GALNT14: variants seen among roughly 807,000 people sequenced by gnomAD.
GALNT14 encodes the protein polypeptide N-acetylgalactosaminyltransferase 14.
Under a neutral mutation model 77.5 loss-of-function variants are expected in GALNT14, and 60 were observed. The observed-to-expected ratio is 0.77, with a 90% CI of 0.63 to 0.96. The LOEUF (loss-of-function observed/expected upper bound fraction) is 0.96. Ranked by LOEUF, GALNT14 falls within the 40% of genes least tolerant of loss-of-function variation. The probability of loss-of-function intolerance (pLI) is 0.00; values close to 1 mark genes in which losing one functional copy is unlikely to be tolerated. For synonymous variants in GALNT14, 280 were observed against 281.7 expected (o/e 0.99, Z 0.06); for missense variants, 710 against 731.0 (o/e 0.97, Z 0.33).
chr2:31,120,311 T>C (rs981985757), intron 1 of GALNT14, among the ~76,000 whole-genome samples: 7 of 152,202 alleles, frequency 4.6e-5, no homozygotes, highest in African/African-American at 1.7e-4. Context: ...TAAATGTTTA[T>C]ACATGTTTAC....
chr2:31,128,764 G>A (rs1386778054), intron 1 of GALNT14, among the ~76,000 whole-genome samples: 1 of 152,136 alleles, frequency 6.6e-6, no homozygotes, highest in African/African-American at 2.4e-5. Context: ...CACCGAGTCT[G>A]CCGTTACAGT....
chr2:30,943,039 A>G (rs547578199), intron 8 of GALNT14, among the ~76,000 whole-genome samples: 50 of 152,332 alleles, frequency 3.3e-4, no homozygotes, highest in African/African-American at 1.2e-3. Context: ...AGACATGGCC[A>G]TCTACCGGCC....
intron 1 of GALNT14, among the ~76,000 whole-genome samples, chr2:31,082,940 C>T (rs1676226701): frequency 1.3e-5 from 2 of 152,128 alleles, no homozygotes; most frequent in African/African-American, 4.8e-5. Context: ...ATCACTTGAA[C>T]TTGGGAGGCG....
rs10194453 is a variant in GALNT14, at chr2:31,052,786, C to T, written c.130-59779G>A. On this transcript the variant is annotated intron_variant, in intron 1 of 14. Transcript: ENST00000349752. The stretch of plus-strand genomic sequence containing the variant: ...ATTTAACAAACAAAAATACAGGACA[C>T]CCAATTAATTTGAATTTCAGATCAA... Among the ~76,000 whole-genome samples, 1,165 of 152,332 alleles carry T rather than the reference C, an allele frequency of 7.6e-3. 21 individuals are homozygous for T. Among genetic ancestry groups the T allele is most frequent in the African/African-American group, 0.026 (1,095 of 41,576 alleles).
At chr2:31,084,584 A>G (rs1676319317) in intron 1 of GALNT14, among the ~76,000 whole-genome samples, 1 of 152,218 alleles carries the variant, frequency 6.6e-6, no homozygotes, top group South Asian at 2.1e-4. Flanking sequence ...TAAGGGAAGC[A>G]TGGGTGCAAA....
downstream of GALNT14, among the ~76,000 whole-genome samples, chr2:30,906,093 G>A (rs1210011501): frequency 6.6e-6 from 1 of 150,626 alleles, no homozygotes; most frequent in Non-Finnish European, 1.5e-5. Context: ...ACCAGTACCA[G>A]CCGCTGCAAA....
intron 9 of GALNT14, among the ~76,000 whole-genome samples, chr2:30,938,957 T>C (rs1666216211): frequency 6.6e-6 from 1 of 152,244 alleles, no homozygotes; most frequent in African/African-American, 2.4e-5. Flanking sequence ...CCCTTAAACA[T>C]GTCTCTCTAG....
At chr2:30,985,267 C>T (rs1016511892) in intron 2 of GALNT14, among the ~76,000 whole-genome samples, 8 of 152,302 alleles carry the variant, frequency 5.3e-5, no homozygotes, top group African/African-American at 1.9e-4. Flanking sequence ...GAATTCTCAT[C>T]AGTGTTGTTG....
chr2:30,971,858 C>T (rs1205197604), intron 2 of GALNT14, among the ~76,000 whole-genome samples: 2 of 152,080 alleles, frequency 1.3e-5, no homozygotes, highest in Non-Finnish European at 2.9e-5. Context: ...CGTGCGATGC[C>T]TTTTATTTTA....
chr2:31,026,239 C>G (rs4952029), intron 1 of GALNT14, among the ~76,000 whole-genome samples: 146,341 of 152,292 alleles, frequency 0.96, 70,360 homozygotes, highest in East Asian at 1. Flanking sequence ...TGTCCATCTT[C>G]ATTTCCTTTT....
chr2:31,058,338 C>T (rs1356026758), intron 1 of GALNT14, among the ~76,000 whole-genome samples: 2 of 152,012 alleles, frequency 1.3e-5, no homozygotes, highest in Admixed American at 6.5e-5. Context: ...GGACAGTGTG[C>T]GTCAAGCGGA....
At chr2:30,924,680 C>A in intron 12 of GALNT14, 60 bp downstream of exon 12, 1 of 1,459,622 alleles carries the variant, frequency 6.9e-7, no homozygotes, top group South Asian at 1.2e-5. Context: ...TTCTCCAGAC[C>A]AAGCCAGCTG....
In GALNT14 at chr2:31,007,947, G is replaced by A. The variant is rs564670520; in HGVS notation, c.130-14940C>T. Among the ~76,000 whole-genome samples, 3 of 152,164 alleles carry A rather than the reference G, an allele frequency of 2.0e-5. No homozygotes were observed. In the South Asian group the frequency reaches 6.2e-4, roughly 32 times the overall value. Reference sequence around the variant, plus strand: ...AGTGGCAGGGATCCAAAGCTCTCTGGCCCACAACCTCTGAGCAGGGCATTT... The same window carrying A: ...AGTGGCAGGGATCCAAAGCTCTCTGACCCACAACCTCTGAGCAGGGCATTT... On this transcript the variant is annotated intron_variant, in intron 1 of 14. Transcript: ENST00000349752.
At chr2:31,038,522 T>C (rs1057080475) in intron 1 of GALNT14, among the ~76,000 whole-genome samples, 1 of 151,864 alleles carries the variant, frequency 6.6e-6, no homozygotes, top group Admixed American at 6.6e-5. Flanking sequence ...ACAGGCCATA[T>C]AGTAATAACT....
chr2:31,023,732 C>A (rs1344215406), intron 1 of GALNT14, among the ~76,000 whole-genome samples: 1 of 152,092 alleles, frequency 6.6e-6, no homozygotes, highest in Non-Finnish European at 1.5e-5. Context: ...CATCCCTCCC[C>A]TGTGACACTT....
chr2:31,095,571 A>G (rs749024343), intron 1 of GALNT14, among the ~76,000 whole-genome samples: 18 of 152,114 alleles, frequency 1.2e-4, no homozygotes, highest in Non-Finnish European at 2.4e-4. Context: ...TCACTGAAAA[A>G]GAAATTTTGA....
intron 1 of GALNT14, among the ~76,000 whole-genome samples, chr2:31,123,533 T>C (rs542518241): frequency 1.1e-4 from 17 of 152,194 alleles, no homozygotes; most frequent in Non-Finnish European, 2.4e-4. Flanking sequence ...AGCAGATGCT[T>C]TGGGGACAAG....
At chr2:30,929,280 C>T in intron 11 of GALNT14, 115 bp downstream of exon 11, 1 of 702,758 alleles carries the variant, frequency 1.4e-6, no homozygotes, top group Middle Eastern at 4.0e-4. Flanking sequence ...AGCCTTGGGC[C>T]CTGCGGGAGC....
intron 3 of GALNT14, among the ~76,000 whole-genome samples, chr2:30,961,520 C>T (rs1558445103): frequency 6.6e-6 from 1 of 152,136 alleles, no homozygotes; most frequent in Non-Finnish European, 1.5e-5. Context: ...ACAGCAGCTG[C>T]TCTCTGAATG....
Sources: allele counts gnomAD v4.1 joint callset (sites outside exome capture counted in the v4.1 genomes callset), GRCh38; gene constraint gnomAD v4.1.1; transcripts MANE v1.5; gene names NCBI Gene and HGNC (gene_info 2026-07-23, HGNC 2026-07-21).